The following ADAM23 variants were observed in gnomAD, a reference collection of about 807,000 sequenced individuals.
The protein encoded by ADAM23 is disintegrin and metalloproteinase domain-containing protein 23.
ADAM23 carries 33 observed loss-of-function variants against 120.1 expected under a neutral mutation model. The observed-to-expected ratio is 0.27, with a 90% confidence interval of 0.21 to 0.37. The LOEUF (loss-of-function observed/expected upper bound fraction) is 0.37, where lower values mean the gene tolerates loss of function less well. Among genes scored for constraint, ADAM23 ranks in the 10% least tolerant of loss-of-function variants. ADAM23 has a pLI of 1.00. For missense variants in ADAM23, 862 were observed against 1,058.2 expected, an observed-to-expected ratio of 0.81 and a Z score of 2.57; for synonymous variants, 367 against 375.2, an observed-to-expected ratio of 0.98 and a Z score of 0.25.
chr2:206,604,906 T>TA (rs1361006882), intron 24 of ADAM23, among the ~76,000 whole-genome samples: 2 of 152,292 alleles, frequency 1.3e-5, no homozygotes, highest in East Asian at 3.9e-4. Context: ...AAATATGAAA[T>TA]AAAGTGTATG....
chr2:206,483,134 C>T (rs1223558248), intron 3 of ADAM23, among the ~76,000 whole-genome samples: 2 of 152,042 alleles, frequency 1.3e-5, no homozygotes, highest in Non-Finnish European at 2.9e-5. Context: ...TGCTAAGAGG[C>T]GTGGAGAGGG....
chr2:206,453,210 A>G (rs2300977), intron 2 of ADAM23, among the ~76,000 whole-genome samples: 47,845 of 152,064 alleles, frequency 0.31, 7,656 homozygotes, highest in African/African-American at 0.35. Flanking sequence ...GGATGATTCT[A>G]TTCATTTCTG....
intron 3 of ADAM23, among the ~76,000 whole-genome samples, chr2:206,508,380 G>A (rs150942016): frequency 0.015 from 2,308 of 152,276 alleles, 39 homozygotes; most frequent in Non-Finnish European, 0.026. Flanking sequence ...GCTAGGCTGG[G>A]CGTGGTGGCT....
chr2:206,481,631 T>C (rs533458409), intron 3 of ADAM23, among the ~76,000 whole-genome samples: 1 of 152,314 alleles, frequency 6.6e-6, no homozygotes, highest in South Asian at 2.1e-4. Flanking sequence ...CTGATTCAAG[T>C]ATAATTTGAC....
intron 4 of ADAM23, 127 bp from the exon 5 acceptor site, chr2:206,541,925 G>A (rs949794253): frequency 1.4e-5 from 13 of 918,458 alleles, no homozygotes; most frequent in Middle Eastern, 2.4e-4. Context: ...TATAGGAGGA[G>A]TTTCTAGGGT....
chr2:206,477,897 A>ATATATATATATATATATATATATATAT (rs1553548673), intron 2 of ADAM23, among the ~76,000 whole-genome samples: 9 of 93,554 alleles, frequency 9.6e-5, no homozygotes, highest in African/African-American at 4.1e-4. Flanking sequence ...AAAAAAAAAA[A>ATATATATATATATATATATATATATAT]ATATATATAT....
At chr2:206,543,765 ACACACG>A (rs1697341547) in intron 6 of ADAM23, among the ~76,000 whole-genome samples, 1 of 152,146 alleles carries the variant, frequency 6.6e-6, no homozygotes, top group African/African-American at 2.4e-5. Flanking sequence ...ACACACACAC[ACACACG>A]CACACGCACC....
At chr2:206,449,595 C>G (rs2105848730) in intron 2 of ADAM23, among the ~76,000 whole-genome samples, 1 of 152,258 alleles carries the variant, frequency 6.6e-6, no homozygotes, top group Admixed American at 6.5e-5. Context: ...TGGTGAAACC[C>G]CATCTCTACT....
intron 18 of ADAM23, among the ~76,000 whole-genome samples, chr2:206,576,730 T>C (rs1217028217): frequency 6.6e-6 from 1 of 152,190 alleles, no homozygotes; most frequent in Non-Finnish European, 1.5e-5. Context: ...TTAATTTTTA[T>C]ATTAGCATTT....
intron 24 of ADAM23, among the ~76,000 whole-genome samples, chr2:206,603,543 C>G (rs1388545428): frequency 6.6e-6 from 1 of 152,124 alleles, no homozygotes; most frequent in Non-Finnish European, 1.5e-5. Context: ...TTTGAAAAAG[C>G]TTTTTTTCCC....
In ADAM23 at chr2:206,571,257, C is replaced by T. The variant is rs554698816; in HGVS notation, c.1566+446C>T. Among the ~76,000 whole-genome samples the T allele has an allele frequency of 3.3e-5, 5 of 151,980 alleles. No homozygotes were observed. The East Asian group carries it at 5.8e-4, about 18-fold the overall frequency. ...TTGGGAGGCCGAGGCGGGCAGATCA[C>T]GAGGTCAGGAGATAGAGACCATCCT... On this transcript the variant is annotated intron_variant, in intron 16 of 25. Coordinates refer to ENST00000264377, the MANE Select transcript of ADAM23 (RefSeq NM_003812.4).
intron 3 of ADAM23, among the ~76,000 whole-genome samples, chr2:206,498,428 TGG>T (rs1696306488): frequency 6.6e-6 from 1 of 152,180 alleles, no homozygotes; most frequent in South Asian, 2.1e-4. Flanking sequence ...TAAATGGTGC[TGG>T]GAAAACTGGC....
intron 2 of ADAM23, among the ~76,000 whole-genome samples, chr2:206,446,530 A>G (rs1272420540): frequency 6.6e-6 from 1 of 152,174 alleles, no homozygotes; most frequent in African/African-American, 2.4e-5. Flanking sequence ...GTGAGTGGTA[A>G]CAGTATTTAT....
intron 24 of ADAM23, chr2:206,607,308 T>G (rs529621766): frequency 2.6e-5 from 4 of 152,240 alleles, no homozygotes; most frequent in African/African-American, 9.6e-5. Flanking sequence ...AAATTTCCCC[T>G]TGGATCTGTT....
At chr2:206,594,696 G>A in intron 22 of ADAM23, 41 bp from the exon 23 acceptor site, 1 of 1,610,026 alleles carries the variant, frequency 6.2e-7, no homozygotes, top group South Asian at 1.1e-5. Flanking sequence ...GATGTTCTAA[G>A]TGTGGTGCAA....
chr2:206,477,985 G>T (rs1281598792), intron 2 of ADAM23, among the ~76,000 whole-genome samples: 1 of 146,902 alleles, frequency 6.8e-6, no homozygotes, highest in African/African-American at 2.5e-5. Context: ...ATTTAAAATG[G>T]GCATATATAA....
At chr2:206,592,775 G>A in intron 22 of ADAM23, 39 bp downstream of exon 22, 1 of 1,556,928 alleles carries the variant, frequency 6.4e-7, no homozygotes, top group Non-Finnish European at 8.7e-7. Flanking sequence ...TAAGCCATGA[G>A]AATTACAAAT....
intron 4 of ADAM23, among the ~76,000 whole-genome samples, chr2:206,532,250 T>G (rs1230525883): frequency 1.3e-5 from 2 of 151,830 alleles, no homozygotes; most frequent in African/African-American, 2.4e-5. Flanking sequence ...CAGGGAACTT[T>G]ATAGACTCAG....
intron 2 of ADAM23, among the ~76,000 whole-genome samples, chr2:206,458,788 A>T (rs960654775): frequency 6.6e-6 from 1 of 152,128 alleles, no homozygotes; most frequent in Non-Finnish European, 1.5e-5. Context: ...CTTTTCCCCA[A>T]CTCACCAAAC....
Sources: gnomAD v4.1 joint callset for allele counts (sites outside exome capture counted in the v4.1 genomes callset) on GRCh38, gnomAD v4.1.1 for gene constraint, MANE v1.5 for transcripts, NCBI Gene and HGNC (gene_info 2026-07-23, HGNC 2026-07-21) for gene names.